The following LRIG2 variants were observed in gnomAD, a reference collection of about 807,000 sequenced individuals.
LRIG2 encodes the protein leucine rich repeats and immunoglobulin like domains 2, also known as leucine-rich repeats and immunoglobulin-like domains protein 2.
A neutral mutation model predicts 107.8 loss-of-function variants in LRIG2; 93 were observed. The ratio of observed to expected loss-of-function variants is 0.86; its 90% CI spans 0.73 to 1.03. The LOEUF (loss-of-function observed/expected upper bound fraction) is 1.03, where lower values mean the gene tolerates loss of function less well. Among genes scored for constraint, LRIG2 ranks in the 50% least tolerant of loss-of-function variants. The probability of loss-of-function intolerance (pLI) is 0.00; values close to 1 mark genes in which losing one functional copy is unlikely to be tolerated. For synonymous variants in LRIG2, 471 were observed against 470.6 expected (o/e 1.00, Z -0.01); for missense variants, 1,226 against 1,296.0 (o/e 0.95, Z 0.83).
intron 8 of LRIG2, 40 bp from the exon 9 acceptor site, chr1:113,098,665 A>T (rs201465762): frequency 8.2e-7 from 1 of 1,221,954 alleles, no homozygotes; most frequent in South Asian, 1.2e-5. Context: ...TGATGGTTGT[A>T]TTGACTAATA....
chr1:113,094,784 T>A (rs772191359), intron 6 of LRIG2, 29 bp downstream of exon 6: 15 of 1,601,838 alleles, frequency 9.4e-6, no homozygotes, highest in Admixed American at 5.1e-5. Flanking sequence ...AGGTGATTAT[T>A]AGGAAAGTAG....
chr1:113,109,807 C>G (rs1654694564), intron 12 of LRIG2, among the ~76,000 whole-genome samples: 1 of 152,312 alleles, frequency 6.6e-6, no homozygotes, highest in African/African-American at 2.4e-5. Flanking sequence ...GTGTGAGCCA[C>G]CGTGCCTGGC....
intron 1 of LRIG2, among the ~76,000 whole-genome samples, chr1:113,079,796 G>A (rs1653174766): frequency 6.7e-6 from 1 of 148,500 alleles, no homozygotes; most frequent in South Asian, 2.2e-4. Flanking sequence ...GGCTAGAGTG[G>A]AGTGGCACAA....
At chr1:113,121,081 G>A (rs1655232558) in intron 17 of LRIG2, among the ~76,000 whole-genome samples, 1 of 152,156 alleles carries the variant, frequency 6.6e-6, no homozygotes, top group African/African-American at 2.4e-5. Context: ...CTCCCAAAGT[G>A]CTGGGATTAC....
At chr1:113,108,079 A>G (rs1392530897) in intron 12 of LRIG2, among the ~76,000 whole-genome samples, 5 of 152,174 alleles carry the variant, frequency 3.3e-5, no homozygotes, top group Non-Finnish European at 7.3e-5. Flanking sequence ...GTCACCAGCA[A>G]TGTATGAATA....
chr1:113,093,509 A>C lies in LRIG2; in HGVS notation c.460A>C (p.Asn154His). The change falls in exon 4 of 18, where the codon AAT becomes CAT. Residue 154 changes from asparagine (N) to histidine (H), a missense_variant. This residue lies in a region of LRIG2 where 570 missense variants were observed against 550.2 expected (regional missense o/e 1.04). Transcript: ENST00000361127. ...TCTGGAGAGTTTAGACCTCAGCTCAAATATAATATCAGAAATCAAGACATC... is the reference window on the plus strand; with the variant it reads ...TCTGGAGAGTTTAGACCTCAGCTCACATATAATATCAGAAATCAAGACATC... ...PALESLDLSS[N>H]IISEIKTSSF... 1.2e-6 allele frequency: 2 copies of C among 1,612,232 alleles called. No homozygotes were observed. Among genetic ancestry groups the C allele is most frequent in the Non-Finnish European group, 1.7e-6 (2 of 1,178,566 alleles).
intron 12 of LRIG2, among the ~76,000 whole-genome samples, chr1:113,109,491 A>G (rs752719310): frequency 2.4e-4 from 37 of 152,286 alleles, no homozygotes; most frequent in Non-Finnish European, 5.1e-4. Flanking sequence ...CCCATTTTAT[A>G]TTGGCACAGA....
chr1:113,093,149 T>G, intron 2 of LRIG2, 57 bp from the exon 3 acceptor site: 1 of 1,078,244 alleles, frequency 9.3e-7, no homozygotes, highest in Non-Finnish European at 1.4e-6. Flanking sequence ...GAAGGTAGAA[T>G]CCAAGAGGTA....
In LRIG2 at chr1:113,091,299, A is replaced by G; in HGVS notation, c.240-19A>G. ...ACTTTCCAGGACTAAACTAAGAATG[A>G]TATTTTGTCCTCTTTCAGGGATTTC... On this transcript the variant is annotated intron_variant, in intron 1 of 17. Coordinates refer to ENST00000361127, the MANE Select transcript of LRIG2 (RefSeq NM_014813.3). The G allele has an allele frequency of 6.5e-7, 1 of 1,532,238 alleles. No individual in the cohort carries two copies. The highest frequency in any genetic ancestry group is 1.2e-5 in the South Asian group (1 of 85,020). The allele number at this position is 1,532,238 out of a possible 1,614,324, so 94.9% of individuals were successfully genotyped here.
chr1:113,104,517 A>G (rs1050257698), intron 11 of LRIG2, among the ~76,000 whole-genome samples: 9 of 151,944 alleles, frequency 5.9e-5, no homozygotes, highest in African/African-American at 2.2e-4. Context: ...TGGCAAAATA[A>G]AAGTCTTTTT....
At chr1:113,077,236 C>T (rs1653020693) in intron 1 of LRIG2, among the ~76,000 whole-genome samples, 1 of 151,930 alleles carries the variant, frequency 6.6e-6, no homozygotes, top group Non-Finnish European at 1.5e-5. Context: ...CCTCTGTCGC[C>T]CGGGTTCAAG....
At position 113,073,636 on chromosome 1, in the gene LRIG2, C is replaced by T. The variant is rs952714282; in HGVS notation, c.230C>T (p.Thr77Ile). 2 of 1,612,284 alleles carry T rather than the reference C, an allele frequency of 1.2e-6. No homozygotes were observed. Among genetic ancestry groups the T allele is most frequent in the African/African-American group, 2.7e-5 (2 of 74,928 alleles). Residue 77 changes from threonine to isoleucine, a missense_variant, in exon 1 of 18, where the codon ACC becomes ATC. Physicochemically the swap from Thr to Ile is moderately conservative, Grantham distance 89 (BLOSUM62 -1). Transcript: ENST00000361127. ...CTGTCGGGCTTGCTGCCCCCCGACA[C>T]CGCTATCCTGTGAGTAGAGCGGCCA... ...RALSGLLPPD[T>I]AILDFSHNRL...
intron 1 of LRIG2, among the ~76,000 whole-genome samples, chr1:113,080,836 GTTTTTTTTTT>G (rs1007236694): frequency 3.5e-5 from 3 of 84,610 alleles, no homozygotes; most frequent in African/African-American, 5.0e-5. Context: ...AACACTAAAA[GTTTTTTTTTT>G]TTTTTTTTTT....
At chr1:113,085,400 C>T (rs1653501513) in intron 1 of LRIG2, among the ~76,000 whole-genome samples, 1 of 152,208 alleles carries the variant, frequency 6.6e-6, no homozygotes, top group African/African-American at 2.4e-5. Context: ...TCTCCTGCTT[C>T]GGCCTCCCAA....
In LRIG2 at chr1:113,075,390, A is replaced by G. The variant is rs979226221; in HGVS notation, c.239+1745A>G. 3.9e-5 allele frequency among the ~76,000 whole-genome samples: 6 copies of G among 152,368 alleles called. No homozygotes were observed. In the South Asian group the frequency reaches 6.2e-4, roughly 16 times the overall value. ...GGAAAGAAAGCTACCTCATGTAGTC[A>G]TTGAAAAAATTAACATAAATAATCA... On this transcript the variant is annotated intron_variant, in intron 1 of 17. Coordinates refer to ENST00000361127, the MANE Select transcript of LRIG2 (RefSeq NM_014813.3).
At chr1:113,099,819 C>T (rs1654231088) in intron 9 of LRIG2, among the ~76,000 whole-genome samples, 1 of 152,158 alleles carries the variant, frequency 6.6e-6, no homozygotes, top group African/African-American at 2.4e-5. Context: ...TCCAAAGGTT[C>T]ACACTTGTCT....
chr1:113,091,726 T>C (rs1019238222), intron 2 of LRIG2, among the ~76,000 whole-genome samples: 1 of 152,234 alleles, frequency 6.6e-6, no homozygotes, highest in Non-Finnish European at 1.5e-5. Flanking sequence ...TGTCTTGACA[T>C]GTTATCTAAG....
Position 113,110,566 on chromosome 1 carries a change from A to G in LRIG2, c.1798+4A>G. 1 of 1,590,804 alleles carries G rather than the reference A, an allele frequency of 6.3e-7. No individual in the cohort carries two copies. Among genetic ancestry groups the G allele is most frequent in the East Asian group, 2.2e-5 (1 of 44,684 alleles). Reference sequence around the variant, plus strand: ...AAAGCCAAACTGACTGTAAATGGTAAGGAATTATGCTCCTTGATTTTTTTT... The same window carrying G: ...AAAGCCAAACTGACTGTAAATGGTAGGGAATTATGCTCCTTGATTTTTTTT... On this transcript the variant is annotated splice_donor_region_variant and intron_variant, in intron 13 of 17. Transcript: ENST00000361127.
intron 11 of LRIG2, chr1:113,103,490 C>CT (rs1455973296): frequency 6.6e-6 from 1 of 152,274 alleles, no homozygotes; most frequent in Admixed American, 6.5e-5. Flanking sequence ...CGAACCCAGT[C>CT]TCTCTCCCCA....
Sources: allele counts gnomAD v4.1 joint callset (sites outside exome capture counted in the v4.1 genomes callset), GRCh38; gene constraint gnomAD v4.1.1; regional missense constraint gnomAD v4.1.1; transcripts MANE v1.5; gene names NCBI Gene and HGNC (gene_info 2026-07-23, HGNC 2026-07-21).